PRUNE2: variants seen among roughly 807,000 people sequenced by gnomAD.
The protein encoded by PRUNE2 is protein prune homolog 2.
In PRUNE2, 164 loss-of-function variants were observed where a neutral mutation model predicts 252.0. The observed-to-expected ratio is 0.65, with a 90% CI of 0.57 to 0.74. The LOEUF (loss-of-function observed/expected upper bound fraction) is 0.74. PRUNE2 is among the 30% of genes least tolerant of loss of function. The pLI, the probability that PRUNE2 is intolerant of heterozygous loss-of-function variation, is 0.00. For missense variants in PRUNE2, 3,495 were observed against 3,711.0 expected (o/e 0.94, Z 1.51); for synonymous variants, 1,292 against 1,350.2 (o/e 0.96, Z 0.94).
intron 6 of PRUNE2, among the ~76,000 whole-genome samples, chr9:76,799,670 G>C (rs1410816967): frequency 6.6e-6 from 1 of 152,148 alleles, no homozygotes; most frequent in Non-Finnish European, 1.5e-5. Flanking sequence ...TGGGTTGTCA[G>C]GGCAATAAAA....
intron 1 of PRUNE2, among the ~76,000 whole-genome samples, chr9:76,874,975 C>G (rs2061399981): frequency 6.6e-6 from 1 of 152,108 alleles, no homozygotes; most frequent in Admixed American, 6.5e-5. Context: ...AATGATCTTT[C>G]TGCTATAATC....
In PRUNE2 at chr9:76,705,739, C is replaced by T; in HGVS notation, c.6535G>A (p.Gly2179Ser). The T allele has an allele frequency of 1.2e-6, 2 of 1,613,920 alleles. No homozygotes were observed. Among genetic ancestry groups the T allele is most frequent in the Non-Finnish European group, 8.5e-7 (1 of 1,179,868 alleles). ...TTATGAGAGGCGGGCTGAGAGGAGC[C>T]CTTTATGTCTGCTTGATAGCCAATT... The part of the protein sequence containing the change: ...PPIGYQADIK[G>S]SSQPASHKGS... Residue 2179 changes from glycine (G) to serine (S), a missense_variant, in exon 8 of 19, where the codon GGC (glycine) becomes AGC (serine). Transcript: ENST00000376718.
intron 1 of PRUNE2, among the ~76,000 whole-genome samples, chr9:76,867,273 G>A (rs938055163): frequency 3.6e-5 from 5 of 139,146 alleles, no homozygotes; most frequent in Admixed American, 8.4e-5. Context: ...TATCTTATGC[G>A]GAGAGGGTAG....
At position 76,751,068 on chromosome 9, in the gene PRUNE2, T is replaced by C. The variant is rs2050567213; in HGVS notation, c.757-37347A>G. ...TGCCAAGCTTTTTGGCTCAACATAT[T>C]AGCCCACCTAAATCTAGACCCGTAA... is the stretch of plus-strand genomic sequence containing the variant. On this transcript the variant is annotated intron_variant, in intron 6 of 18. Coordinates refer to ENST00000376718, the MANE Select transcript of PRUNE2 (RefSeq NM_015225.3). Among the ~76,000 whole-genome samples, 4 of 152,328 alleles carry C rather than the reference T, an allele frequency of 2.6e-5. No individual in the cohort carries two copies. The South Asian group carries it at 8.3e-4, about 32-fold the overall frequency.
chr9:76,820,985 A>AAG lies in PRUNE2; in HGVS notation c.756+2645_756+2646dup, dbSNP rs578232518. On this transcript the variant is annotated intron_variant, in intron 6 of 18. Coordinates refer to ENST00000376718, the MANE Select transcript of PRUNE2 (RefSeq NM_015225.3). ...GTGCCATCACTGTTACAGAAAACTG[A>AAG]AGAGAGAGAGAAGTCAGATACCATC... is the stretch of plus-strand genomic sequence containing the variant. Among the ~76,000 whole-genome samples the AAG allele has an allele frequency of 1.1e-3, 167 of 152,308 alleles. 2 individuals are homozygous for AAG. In the South Asian group the frequency reaches 0.013, roughly 12 times the overall value.
intron 6 of PRUNE2, among the ~76,000 whole-genome samples, chr9:76,714,058 C>T (rs2046948274): frequency 6.6e-6 from 1 of 152,108 alleles, no homozygotes; most frequent in Non-Finnish European, 1.5e-5. Context: ...CTTATAGGAT[C>T]TATATACGAA....
intron 6 of PRUNE2, among the ~76,000 whole-genome samples, chr9:76,771,051 T>C (rs2053047077): frequency 6.6e-6 from 1 of 151,906 alleles, no homozygotes. Flanking sequence ...TCTTGAGAAA[T>C]CGACAAAAAA....
chr9:76,731,276 CTCTCTCTA>C lies in PRUNE2; in HGVS notation c.757-17563_757-17556del, dbSNP rs1247275077. ...CACACACACTATAAACATATATTCC[CTCTCTCTA>C]TCTATCTATCTATCTATCTATCTAT... On this transcript the variant is annotated intron_variant, in intron 6 of 18. Transcript: ENST00000376718. 7.5e-5 allele frequency among the ~76,000 whole-genome samples: 6 copies of C among 79,672 alleles called. 1 individual carries two copies. Among genetic ancestry groups the C allele is most frequent in the South Asian group, 3.8e-4 (1 of 2,662 alleles). 52.3% of individuals were successfully genotyped at this position (79,672 alleles called of 152,430 possible).
At chr9:76,674,238 T>G (rs372694961) in intron 9 of PRUNE2, among the ~76,000 whole-genome samples, 1 of 152,110 alleles carries the variant, frequency 6.6e-6, no homozygotes, top group Admixed American at 6.5e-5. Context: ...TACAAAAATC[T>G]CAAGCATTCT....
At chr9:76,880,719 G>C (rs1178410594) in intron 1 of PRUNE2, among the ~76,000 whole-genome samples, 2 of 152,224 alleles carry the variant, frequency 1.3e-5, no homozygotes, top group Admixed American at 6.5e-5. Flanking sequence ...TTATCTAGAA[G>C]TAAAAGCAAT....
At chr9:76,796,784 G>GGGGAAA (rs1359475805) in intron 6 of PRUNE2, among the ~76,000 whole-genome samples, 1 of 152,112 alleles carries the variant, frequency 6.6e-6, no homozygotes, top group Non-Finnish European at 1.5e-5. Context: ...CCCCCGTGTG[G>GGGGAAA]GTAGACCCCA....
chr9:76,817,126 C>T (rs1382518401), intron 6 of PRUNE2, among the ~76,000 whole-genome samples: 2 of 151,856 alleles, frequency 1.3e-5, no homozygotes, highest in African/African-American at 4.8e-5. Context: ...GAATGCTAAC[C>T]AAGGATTGCT....
At chr9:76,799,854 T>C (rs1177496611) in intron 6 of PRUNE2, among the ~76,000 whole-genome samples, 1 of 152,162 alleles carries the variant, frequency 6.6e-6, no homozygotes, top group Non-Finnish European at 1.5e-5. Flanking sequence ...AAAATATTTT[T>C]TATTAGGAAG....
At chr9:76,794,043 T>G (rs908519187) in intron 6 of PRUNE2, among the ~76,000 whole-genome samples, 3 of 151,990 alleles carry the variant, frequency 2.0e-5, no homozygotes, top group Non-Finnish European at 2.9e-5. Flanking sequence ...GCCAAGCAGG[T>G]TTTTTTTATT....
chr9:76,671,602 C>G (rs1401466620), intron 9 of PRUNE2, among the ~76,000 whole-genome samples: 1 of 151,650 alleles, frequency 6.6e-6, no homozygotes, highest in African/African-American at 2.4e-5. Flanking sequence ...ACATAATTGT[C>G]AGATTCACCA....
At chr9:76,882,568 G>A (rs749817985) in intron 1 of PRUNE2, among the ~76,000 whole-genome samples, 2 of 152,158 alleles carry the variant, frequency 1.3e-5, no homozygotes, top group Non-Finnish European at 2.9e-5. Context: ...AGGCAAGGTG[G>A]GTGGAAAGAA....
chr9:76,771,508 A>G (rs1389937700), intron 6 of PRUNE2, among the ~76,000 whole-genome samples: 1 of 152,226 alleles, frequency 6.6e-6, no homozygotes, highest in African/African-American at 2.4e-5. Context: ...GAAGGCAGGT[A>G]CAATGAGGAA....
At chr9:76,728,598 T>A (rs1448522525) in intron 6 of PRUNE2, among the ~76,000 whole-genome samples, 4 of 152,240 alleles carry the variant, frequency 2.6e-5, no homozygotes, top group Admixed American at 2.6e-4. Context: ...TGATAGTCAC[T>A]GGGGAAAAAT....
chr9:76,683,786 C>T (rs2043754675), intron 9 of PRUNE2, among the ~76,000 whole-genome samples: 1 of 151,836 alleles, frequency 6.6e-6, no homozygotes, highest in African/African-American at 2.4e-5. Context: ...AAACCTGATG[C>T]TAACATATAT....
Sources: gnomAD v4.1 joint callset for allele counts (sites outside exome capture counted in the v4.1 genomes callset) on GRCh38, gnomAD v4.1.1 for gene constraint, MANE v1.5 for transcripts, NCBI Gene and HGNC (gene_info 2026-07-23, HGNC 2026-07-21) for gene names.